Variants in CSMD3 observed in about 807,000 individuals in gnomAD.
CSMD3 encodes the protein CUB and Sushi multiple domains 3.
CSMD3 carries 177 observed loss-of-function variants against 435.2 expected under a neutral mutation model. The observed-to-expected ratio is 0.41, with a 90% CI of 0.36 to 0.46. The LOEUF (loss-of-function observed/expected upper bound fraction) is 0.46. CSMD3 is among the 20% of genes least tolerant of loss of function. The pLI is 0.34. For synonymous variants in CSMD3, 1,656 were observed against 1,520.5 expected, an observed-to-expected ratio of 1.09 and a Z score of -2.07; for missense variants, 4,265 against 4,504.6, an observed-to-expected ratio of 0.95 and a Z score of 1.52.
In CSMD3 at chr8:112,533,857, A is replaced by ATGTG. The variant is rs1825784176; in HGVS notation, c.4565-16633_4565-16632insCACA. ...GCACCAGGAACATTCTCTGAGATAG[A>ATGTG]GCATAGGTTATGCCACAAAACAAGT... On this transcript the variant is annotated intron_variant, in intron 27 of 70. Coordinates refer to ENST00000297405, the MANE Select transcript of CSMD3 (RefSeq NM_198123.2). 3.3e-5 allele frequency among the ~76,000 whole-genome samples: 5 copies of ATGTG among 152,110 alleles called. No individual in the cohort carries two copies. In the South Asian group the frequency reaches 1.0e-3, roughly 31 times the overall value.
At chr8:113,184,487 T>C (rs970010166) in intron 3 of CSMD3, among the ~76,000 whole-genome samples, 3 of 151,996 alleles carry the variant, frequency 2.0e-5, no homozygotes, top group African/African-American at 7.2e-5. Context: ...TTAGCATCAC[T>C]TTGGAGTTTC....
chr8:113,306,556 G>A (rs535940193), intron 2 of CSMD3, among the ~76,000 whole-genome samples: 1 of 152,086 alleles, frequency 6.6e-6, no homozygotes. Context: ...ATGCCTACAG[G>A]AAAGGAAACA....
At chr8:113,045,083 T>G (rs2087772687) in intron 5 of CSMD3, among the ~76,000 whole-genome samples, 1 of 149,164 alleles carries the variant, frequency 6.7e-6, no homozygotes, top group Non-Finnish European at 1.5e-5. Context: ...CATAAATATT[T>G]GTCTACATGT....
intron 10 of CSMD3, among the ~76,000 whole-genome samples, chr8:112,868,675 T>G (rs1366253803): frequency 6.6e-6 from 1 of 152,002 alleles, no homozygotes; most frequent in Non-Finnish European, 1.5e-5. Flanking sequence ...AGATAGATAA[T>G]GAAACAGAAC....
At chr8:112,589,271 C>T (rs963473344) in intron 22 of CSMD3, among the ~76,000 whole-genome samples, 2 of 152,234 alleles carry the variant, frequency 1.3e-5, no homozygotes, top group African/African-American at 4.8e-5. Flanking sequence ...TGCAATTTAG[C>T]TGCCCTGAGC....
chr8:112,955,872 A>T (rs1455128679), intron 7 of CSMD3, among the ~76,000 whole-genome samples: 1 of 151,916 alleles, frequency 6.6e-6, no homozygotes, highest in African/African-American at 2.4e-5. Flanking sequence ...TAGATGGCTT[A>T]AAATTACCAC....
intron 59 of CSMD3, among the ~76,000 whole-genome samples, chr8:112,268,738 T>A (rs1274715273): frequency 6.6e-6 from 1 of 152,200 alleles, no homozygotes; most frequent in Non-Finnish European, 1.5e-5. Flanking sequence ...GTATGTGCTC[T>A]GCCATACTTC....
chr8:112,890,092 T>C (rs1315994551), intron 10 of CSMD3, among the ~76,000 whole-genome samples: 1 of 151,726 alleles, frequency 6.6e-6, no homozygotes, highest in Non-Finnish European at 1.5e-5. Context: ...TTTTACAGTG[T>C]CACAGTAGTA....
At chr8:112,344,909 G>T (rs1316329505) in intron 41 of CSMD3, among the ~76,000 whole-genome samples, 1 of 152,000 alleles carries the variant, frequency 6.6e-6, no homozygotes, top group Non-Finnish European at 1.5e-5. Context: ...AAAATGGGAT[G>T]AATTCAATAG....
At chr8:112,645,976 A>AC (rs1283401442) in intron 19 of CSMD3, among the ~76,000 whole-genome samples, 1 of 152,122 alleles carries the variant, frequency 6.6e-6, no homozygotes, top group African/African-American at 2.4e-5. Context: ...CTCCTTATTC[A>AC]CTTTCACTTG....
intron 45 of CSMD3, among the ~76,000 whole-genome samples, chr8:112,320,610 G>A (rs1052999649): frequency 6.6e-6 from 1 of 151,428 alleles, no homozygotes; most frequent in African/African-American, 2.4e-5. Flanking sequence ...ATTTACATTA[G>A]GTATATCTCC....
intron 5 of CSMD3, among the ~76,000 whole-genome samples, chr8:113,067,415 C>A (rs905017147): frequency 1.3e-5 from 2 of 152,042 alleles, no homozygotes; most frequent in African/African-American, 4.8e-5. Flanking sequence ...ACTGAAATTG[C>A]AGCATAGATA....
chr8:113,340,825 T>C (rs1032840779), intron 1 of CSMD3, among the ~76,000 whole-genome samples: 3 of 150,588 alleles, frequency 2.0e-5, no homozygotes, highest in Non-Finnish European at 4.4e-5. Context: ...ACTGAGATTG[T>C]GCCACTGCAC....
chr8:113,074,463 T>C (rs2089259723), intron 5 of CSMD3, among the ~76,000 whole-genome samples: 1 of 151,920 alleles, frequency 6.6e-6, no homozygotes. Flanking sequence ...CAGACCTTTC[T>C]ACCAGGTTTT....
chr8:112,961,876 G>A (rs2084243850), intron 7 of CSMD3, among the ~76,000 whole-genome samples: 2 of 151,880 alleles, frequency 1.3e-5, no homozygotes, highest in South Asian at 4.1e-4. Context: ...TGGCGTAACA[G>A]GTCTTACAGT....
intron 4 of CSMD3, among the ~76,000 whole-genome samples, chr8:113,101,416 G>A (rs2090326452): frequency 6.6e-6 from 1 of 151,982 alleles, no homozygotes; most frequent in Non-Finnish European, 1.5e-5. Context: ...TCAAAATGCA[G>A]TCCTTTGGGT....
intron 7 of CSMD3, among the ~76,000 whole-genome samples, chr8:112,974,552 G>T (rs2084775768): frequency 6.6e-6 from 1 of 151,594 alleles, no homozygotes. Context: ...ACTTTATTGA[G>T]TAAATCACAA....
rs73701339 is a variant in CSMD3, at chr8:113,213,942, G to C, written c.515-40026C>G. 7.7e-3 allele frequency among the ~76,000 whole-genome samples: 1,172 copies of C among 152,140 alleles called. 18 individuals are homozygous for C. Among genetic ancestry groups the C allele is most frequent in the African/African-American group, 0.027 (1,122 of 41,560 alleles). ...AATCTTTATTCAGCATGCACTGTGA[G>C]ATACATAGATGCTGGAGGTACAGTG... On this transcript the variant is annotated intron_variant, in intron 3 of 70. Transcript: ENST00000297405.
chr8:113,203,439 T>C (rs1214179922), intron 3 of CSMD3, among the ~76,000 whole-genome samples: 1 of 151,822 alleles, frequency 6.6e-6, no homozygotes, highest in East Asian at 1.9e-4. Context: ...ACCATGACCA[T>C]CTAATTTTTT....
Sources: allele counts gnomAD v4.1 joint callset (sites outside exome capture counted in the v4.1 genomes callset), GRCh38; gene constraint gnomAD v4.1.1; transcripts MANE v1.5; gene names NCBI Gene and HGNC (gene_info 2026-07-23, HGNC 2026-07-21).